Variants in CLDN14 observed in about 807,000 individuals in gnomAD.
CLDN14 encodes claudin 14.
A neutral mutation model predicts 2.1 loss-of-function variants in CLDN14; 2 were observed. The ratio of observed to expected loss-of-function variants is 0.96; its 90% CI spans 0.39 to 3.01. CLDN14 has a LOEUF of 3.01. Ranked by LOEUF, CLDN14 falls within the 30% of genes most tolerant of loss-of-function variation. CLDN14 has a pLI of 0.09. For missense variants in CLDN14, 298 were observed against 328.0 expected (o/e 0.91, Z 0.71); for synonymous variants, 136 against 154.4 (o/e 0.88, Z 0.88).
At chr21:36,510,042 C>T (rs1471332021) in intron 2 of CLDN14, among the ~76,000 whole-genome samples, 1 of 152,242 alleles carries the variant, frequency 6.6e-6, no homozygotes, top group African/African-American at 2.4e-5. Context: ...GCCTTTGCTA[C>T]AGCAAATGGT....
intron 2 of CLDN14, among the ~76,000 whole-genome samples, chr21:36,491,751 T>C (rs1315350616): frequency 1.3e-5 from 2 of 152,150 alleles, no homozygotes. Flanking sequence ...CGGGGACTAC[T>C]GAAGGTCATG....
rs565217120 is a variant in CLDN14, at chr21:36,500,014, T to C, written c.-82+10349A>G. 1.2e-4 allele frequency among the ~76,000 whole-genome samples: 13 copies of C among 106,466 alleles called. No individual in the cohort carries two copies. The South Asian group carries it at 4.0e-3, about 33-fold the overall frequency. 69.8% of individuals were successfully genotyped at this position (106,466 alleles called of 152,430 possible). On this transcript the variant is annotated intron_variant, in intron 2 of 2. Coordinates refer to the CLDN14 transcript ENST00000342108. ...CGCGAGGTGAAGAATTAGAGCATGT[T>C]GTTCATTTATAATGTTTGCTTTGCT...
intron 2 of CLDN14, among the ~76,000 whole-genome samples, chr21:36,489,877 G>T (rs1601606959): frequency 1.3e-5 from 2 of 152,188 alleles, no homozygotes; most frequent in African/African-American, 4.8e-5. Flanking sequence ...CCAGTAGCCA[G>T]CCAGAGCCAC....
At chr21:36,501,010 G>A (rs2146476654) in intron 2 of CLDN14, among the ~76,000 whole-genome samples, 1 of 152,348 alleles carries the variant, frequency 6.6e-6, no homozygotes, top group Middle Eastern at 3.4e-3. Flanking sequence ...AGCGGCCCAA[G>A]GTAGCCCAGC....
chr21:36,544,854 T>C lies in CLDN14; in HGVS notation c.-220+31557A>G, dbSNP rs545409014. Among the ~76,000 whole-genome samples the C allele has an allele frequency of 6.6e-6, 1 of 152,336 alleles. No homozygotes were observed. Among genetic ancestry groups the C allele is most frequent in the East Asian group, 1.9e-4 (1 of 5,196 alleles). ...ACAATTAGGACGACAAATTTACTAA[T>C]TGCTGAAAGTAACTTAATAACAAAA... On this transcript the variant is annotated intron_variant, in intron 1 of 2. Transcript: ENST00000342108. The surrounding 1 kb of genome is among the most constrained non-coding windows in gnomAD (Gnocchi z 4.1).
At chr21:36,543,521 T>A (rs562936722) in intron 1 of CLDN14, among the ~76,000 whole-genome samples, 1 of 152,370 alleles carries the variant, frequency 6.6e-6, no homozygotes, top group South Asian at 2.1e-4. Flanking sequence ...TTAATAAGTA[T>A]GTTATCATTT....
In CLDN14 at chr21:36,492,908, AATG is replaced by A. The variant is rs750212151; in HGVS notation, c.-82+17452_-82+17454del. Among the ~76,000 whole-genome samples the A allele has an allele frequency of 7.2e-5, 11 of 152,160 alleles. No individual in the cohort carries two copies. The East Asian group carries it at 1.2e-3, about 16-fold the overall frequency. On this transcript the variant is annotated intron_variant, in intron 2 of 2. Coordinates refer to the CLDN14 transcript ENST00000342108. Reference sequence around the variant, plus strand: ...TTTCCAGCCTCTGGAGCTGTGAGAGAATGATGTTCTCTGTAGGAGGAAGCTCTC... The same window carrying A: ...TTTCCAGCCTCTGGAGCTGTGAGAGAATGTTCTCTGTAGGAGGAAGCTCTC...
At chr21:36,507,749 G>C (rs979120622) in intron 2 of CLDN14, among the ~76,000 whole-genome samples, 1 of 152,154 alleles carries the variant, frequency 6.6e-6, no homozygotes, top group African/African-American at 2.4e-5. Context: ...GGGTGACAGA[G>C]TGAGACTCCA....
At position 36,553,234 on chromosome 21, in the gene CLDN14, G is replaced by C. The variant is rs139085476; in HGVS notation, c.-220+23177C>G. 2.8e-3 allele frequency among the ~76,000 whole-genome samples: 433 copies of C among 152,312 alleles called. 5 individuals carry two copies. Among genetic ancestry groups the C allele is most frequent in the African/African-American group, 0.01 (418 of 41,566 alleles). ...CTGACCAAGGGCACTGATGGCGTCT[G>C]CTATAGTCTTACCTCTGCCTTCAGT... On this transcript the variant is annotated intron_variant, in intron 1 of 2. Transcript: ENST00000342108.
intron 1 of CLDN14, among the ~76,000 whole-genome samples, chr21:36,529,287 C>T (rs1057084060): frequency 7.2e-5 from 11 of 151,854 alleles, no homozygotes; most frequent in African/African-American, 2.7e-4. Context: ...TAAAAAAAAC[C>T]ACATCTTTTT....
chr21:36,538,384 A>T (rs2087448853), intron 1 of CLDN14, among the ~76,000 whole-genome samples: 1 of 152,126 alleles, frequency 6.6e-6, no homozygotes, highest in African/African-American at 2.4e-5. Context: ...TGGCAAGAAG[A>T]GACAGCGGAT....
rs1047920783 is a variant in CLDN14, at chr21:36,503,706, G to A, written c.-82+6657C>T. ...ATGAACTAATACACCAGCCAAGAATGGATTTTTAAATTAATGGAGTTAGGT... is the reference window on the plus strand; with the variant it reads ...ATGAACTAATACACCAGCCAAGAATAGATTTTTAAATTAATGGAGTTAGGT... On this transcript the variant is annotated intron_variant, in intron 2 of 2. Coordinates refer to the CLDN14 transcript ENST00000342108. Among the ~76,000 whole-genome samples the A allele has an allele frequency of 2.6e-5, 4 of 151,976 alleles. 1 individual carries two copies. Among genetic ancestry groups the A allele is most frequent in the Admixed American group, 2.6e-4 (4 of 15,264 alleles).
chr21:36,482,944 A>G (rs1315695965), upstream of CLDN14, among the ~76,000 whole-genome samples: 1 of 152,174 alleles, frequency 6.6e-6, no homozygotes, highest in African/African-American at 2.4e-5. Context: ...TATTACGTCT[A>G]TTTACTAATT....
chr21:36,481,755 G>A (rs2086846728), upstream of CLDN14, among the ~76,000 whole-genome samples: 1 of 152,210 alleles, frequency 6.6e-6, no homozygotes, highest in East Asian at 1.9e-4. Flanking sequence ...GCTCCTCTTG[G>A]ATAAAACAGT....
Position 36,521,789 on chromosome 21 carries a change from C to T in CLDN14, c.-219-11289G>A, listed in dbSNP as rs533669855. Among the ~76,000 whole-genome samples the T allele has an allele frequency of 1.1e-3, 160 of 152,170 alleles. 1 individual carries two copies. The highest frequency in any genetic ancestry group is 3.1e-3 in the African/African-American group (129 of 41,532). Reference sequence around the variant, plus strand: ...GGGTCCTTGTGTCAGCTGATGGGGACGGAGGTCAGCAATAGAAAGAGGACT... The same window carrying T: ...GGGTCCTTGTGTCAGCTGATGGGGATGGAGGTCAGCAATAGAAAGAGGACT... On this transcript the variant is annotated intron_variant, in intron 1 of 2. Coordinates refer to the CLDN14 transcript ENST00000342108.
chr21:36,481,669 T>TG (rs141600238), upstream of CLDN14, among the ~76,000 whole-genome samples: 929 of 152,336 alleles, frequency 6.1e-3, 8 homozygotes, highest in African/African-American at 0.02. Context: ...TTATTAGTCT[T>TG]GATTTTCTTT....
upstream of CLDN14, among the ~76,000 whole-genome samples, chr21:36,482,411 CGGATGGAT>C (rs75061949): frequency 2.8e-3 from 405 of 142,188 alleles, 2 homozygotes; most frequent in Middle Eastern, 0.011. Flanking sequence ...GATGGATAGA[CGGATGGAT>C]GGATGGATGG....
At chr21:36,568,357 C>A (rs1235064134) in intron 1 of CLDN14, among the ~76,000 whole-genome samples, 1 of 152,212 alleles carries the variant, frequency 6.6e-6, no homozygotes, top group African/African-American at 2.4e-5. Flanking sequence ...ATGCTGATTT[C>A]AGCATTGCCC....
chr21:36,555,427 T>C (rs546224468), intron 1 of CLDN14, among the ~76,000 whole-genome samples: 8 of 152,390 alleles, frequency 5.2e-5, no homozygotes, highest in African/African-American at 1.2e-4. Context: ...ACAGGACTTA[T>C]CAACGATTTA....
Sources: gnomAD v4.1 joint callset for allele counts (sites outside exome capture counted in the v4.1 genomes callset) on GRCh38, gnomAD v4.1.1 for gene constraint, Gnocchi (gnomAD v3.1) non-coding constraint, MANE v1.5 for transcripts, NCBI Gene and HGNC (gene_info 2026-07-23, HGNC 2026-07-21) for gene names.